Variants in COL18A1 observed in about 807,000 individuals in gnomAD.
The protein encoded by COL18A1 is collagen alpha-1(XVIII) chain.
A neutral mutation model predicts 168.0 loss-of-function variants in COL18A1; 133 were observed. That is an observed-to-expected ratio of 0.79 (90% CI 0.69 to 0.91). The LOEUF (loss-of-function observed/expected upper bound fraction) is 0.91. Ranked by LOEUF, COL18A1 falls within the 40% of genes least tolerant of loss-of-function variation. The pLI, the probability that COL18A1 is intolerant of heterozygous loss-of-function variation, is 0.00. For missense variants in COL18A1, 2,126 were observed against 1,925.4 expected, an observed-to-expected ratio of 1.10 and a Z score of -1.95; for synonymous variants, 949 against 809.0, an observed-to-expected ratio of 1.17 and a Z score of -2.94.
intron 2 of COL18A1, among the ~76,000 whole-genome samples, chr21:45,432,070 C>T (rs978342652): frequency 6.6e-6 from 1 of 152,234 alleles, no homozygotes; most frequent in Middle Eastern, 3.2e-3. Flanking sequence ...GCGGTGCCCA[C>T]CTCGGTCCCC....
chr21:45,417,570 C>A (rs916246723), intron 2 of COL18A1, among the ~76,000 whole-genome samples: 67 of 152,232 alleles, frequency 4.4e-4, no homozygotes, highest in Non-Finnish European at 8.8e-4. Context: ...ATTTCTAGGA[C>A]CGCGGTCTCT....
At chr21:45,418,224 G>A (rs1016176804) in intron 2 of COL18A1, among the ~76,000 whole-genome samples, 4 of 152,234 alleles carry the variant, frequency 2.6e-5, no homozygotes, top group South Asian at 2.1e-4. Context: ...GGAGCTGGCC[G>A]GGTGCTCATC....
chr21:45,505,163 G>T lies in COL18A1; in HGVS notation c.2898G>T (p.Gln966His). Residue 966 changes from glutamine (Q) to histidine (H), a missense_variant, in exon 35 of 42, where the codon CAG (glutamine) becomes CAT (histidine). Gln to His is a conservative substitution (Grantham distance 24, BLOSUM62 0). Coordinates refer to ENST00000651438, the MANE Select transcript of COL18A1 (RefSeq NM_001379500.1). ...CCAAGGGAGAGAGCATCCGGGGCCA[G>T]CCCGGCCCACCTGGACCTCAGGGAC... Reference protein sequence around the residue: ...PGPKGESIRGQPGPPGPQGPP... With the variant: ...PGPKGESIRGHPGPPGPQGPP... 1.2e-6 allele frequency: 2 copies of T among 1,608,116 alleles called. No homozygotes were observed. Among genetic ancestry groups the T allele is most frequent in the South Asian group, 1.1e-5 (1 of 90,452 alleles).
Position 45,498,666 on chromosome 21 carries a change from T to C in COL18A1, c.2683+1005T>C, listed in dbSNP as rs1432309365. The C allele has an allele frequency of 1.5e-6, 1 of 682,638 alleles. No individual in the cohort carries two copies. The highest frequency in any genetic ancestry group is 2.7e-6 in the Non-Finnish European group (1 of 366,298). 42.3% of individuals were successfully genotyped at this position (682,638 alleles called of 1,614,324 possible). ...AGCGGGAAGATGGAAGATGTGCCCA[T>C]GCCAGCCTTGGATCTCTCAGCGTCA... On this transcript the variant is annotated intron_variant, in intron 32 of 41. Coordinates refer to ENST00000651438, the MANE Select transcript of COL18A1 (RefSeq NM_001379500.1). This position sits in a 1 kb window ranked among gnomAD's most constrained non-coding sequence, Gnocchi z 4.5.
chr21:45,428,972 G>C (rs143897865), intron 2 of COL18A1, among the ~76,000 whole-genome samples: 3,145 of 150,828 alleles, frequency 0.021, 99 homozygotes, highest in African/African-American at 0.071. Flanking sequence ...GTGCGATCTC[G>C]GCTCACTATA....
chr21:45,506,418 C>T (rs2037207987), intron 37 of COL18A1: 1 of 321,552 alleles, frequency 3.1e-6, no homozygotes, highest in Admixed American at 4.4e-5. Flanking sequence ...GAAATGCATC[C>T]TCTCTGCTTA....
chr21:45,422,560 G>A (rs765204627), intron 2 of COL18A1: 1 of 509,018 alleles, frequency 2.0e-6, no homozygotes, highest in East Asian at 5.7e-5. Context: ...GGCAGCAAAA[G>A]GCATCTGTGA....
rs371577158 is a variant in COL18A1 at position 45,495,351 on chromosome 21, G to A, written c.2434-7G>A. 2.0e-5 allele frequency: 32 copies of A among 1,604,588 alleles called. No homozygotes were observed. The Middle Eastern group carries it at 6.6e-4, about 33-fold the overall frequency. On this transcript the variant is annotated splice_region_variant and splice_polypyrimidine_tract_variant and intron_variant, in intron 28 of 41. Transcript: ENST00000651438. ...CAGCAGTCCCCACCCCCTGTGCTCC[G>A]CCCCAGGGTCGCCCCGGGATGAACG...
At chr21:45,474,803 G>GACGGGGAC (rs1568899770) in intron 4 of COL18A1, among the ~76,000 whole-genome samples, 1 of 146,948 alleles carries the variant, frequency 6.8e-6, no homozygotes, top group African/African-American at 2.5e-5. Flanking sequence ...AGACACCGTG[G>GACGGGGAC]CTGGACTGTG....
chr21:45,494,568 C>T lies in COL18A1; in HGVS notation c.2376C>T (p.Pro792=). 2 of 1,613,230 alleles carry T rather than the reference C, an allele frequency of 1.2e-6. No homozygotes were observed. The highest frequency in any genetic ancestry group is 2.7e-5 in the African/African-American group (2 of 75,064). Residue 792 remains proline (P), a synonymous_variant, in exon 27 of 42, where the codon CCC becomes CCT. Coordinates refer to ENST00000651438, the MANE Select transcript of COL18A1 (RefSeq NM_001379500.1). ...AGGGAGAGCCGGGCTTCCGAGGACCCCCGGTAAGTCGGTCCCTGGCTTTCT... is the reference window on the plus strand; with the variant it reads ...AGGGAGAGCCGGGCTTCCGAGGACCTCCGGTAAGTCGGTCCCTGGCTTTCT... ...GAKGEPGFRG[P]PGPYGRPGYK... is the part of the protein sequence containing the mutation.
In COL18A1 at chr21:45,492,587, A is replaced by C. The variant is rs200711540; in HGVS notation, c.2187+23A>C. The C allele has an allele frequency of 1.2e-3, 1,881 of 1,612,900 alleles. 2 individuals carry two copies. Among genetic ancestry groups the C allele is most frequent in the Non-Finnish European group, 1.4e-3 (1,710 of 1,179,794 alleles). On this transcript the variant is annotated intron_variant, in intron 23 of 41. Coordinates refer to ENST00000651438, the MANE Select transcript of COL18A1 (RefSeq NM_001379500.1). ...GAGGTATGTGCCTGCCCAGCTTCTA[A>C]GAGACGGGCCTGCGGGGACCTGGGT... is the stretch of plus-strand genomic sequence containing the variant.
chr21:45,476,290 G>C lies in COL18A1; in HGVS notation c.799-61G>C, dbSNP rs921653982. The stretch of plus-strand genomic sequence containing the variant: ...TTAAGTATTTCATTTCACAAACCAA[G>C]CAAGTCTCCACCGGGCATCTGCCGG... On this transcript the variant is annotated intron_variant, in intron 5 of 41. Coordinates refer to ENST00000651438, the MANE Select transcript of COL18A1 (RefSeq NM_001379500.1). The C allele has an allele frequency of 2.2e-5, 35 of 1,610,112 alleles. No homozygotes were observed. In the Middle Eastern group the frequency reaches 1.2e-3, roughly 55 times the overall value.
At chr21:45,413,048 C>T (rs2033344421) in intron 2 of COL18A1, among the ~76,000 whole-genome samples, 1 of 152,158 alleles carries the variant, frequency 6.6e-6, no homozygotes, top group African/African-American at 2.4e-5. Context: ...AAGGATGGGA[C>T]ATCACACATC....
intron 2 of COL18A1, among the ~76,000 whole-genome samples, chr21:45,438,779 A>C (rs1460282543): frequency 1.3e-5 from 2 of 152,258 alleles, no homozygotes; most frequent in Admixed American, 6.5e-5. Flanking sequence ...CCTTGCAGGC[A>C]GAGTGGCTTA....
At chr21:45,478,380 T>C (rs560448401) in intron 9 of COL18A1, 27 bp downstream of exon 9, 2 of 1,612,786 alleles carry the variant, frequency 1.2e-6, no homozygotes, top group Non-Finnish European at 1.7e-6. Context: ...TTCTGACCCC[T>C]GTGTTATCTG....
chr21:45,481,897 G>C, intron 13 of COL18A1, 66 bp from the exon 14 acceptor site: 1 of 1,173,386 alleles, frequency 8.5e-7, no homozygotes, highest in Non-Finnish European at 1.3e-6. Context: ...CAGATAACCT[G>C]TTAACCCAGA....
intron 39 of COL18A1, among the ~76,000 whole-genome samples, chr21:45,509,807 CT>C (rs200581585): frequency 0.014 from 2,086 of 152,326 alleles, 54 homozygotes; most frequent in African/African-American, 0.047. Flanking sequence ...AGTCCAGCCG[CT>C]GTCACATCCT....
At chr21:45,405,503 C>T in intron 2 of COL18A1, 30 bp downstream of exon 2, 4 of 1,255,944 alleles carry the variant, frequency 3.2e-6, no homozygotes, top group Non-Finnish European at 4.1e-6. Context: ...GGAAGGTTCG[C>T]GCCGGTGCCC....
At chr21:45,456,973 C>A (rs1440602509) in intron 2 of COL18A1, 6 of 1,064,510 alleles carry the variant, frequency 5.6e-6, no homozygotes, top group Non-Finnish European at 7.6e-6. Flanking sequence ...ACAGGTTCCC[C>A]CCACATCGAA....
Sources: allele counts gnomAD v4.1 joint callset (sites outside exome capture counted in the v4.1 genomes callset), GRCh38; gene constraint gnomAD v4.1.1; non-coding constraint Gnocchi (gnomAD v3.1); transcripts MANE v1.5; gene names NCBI Gene and HGNC (gene_info 2026-07-23, HGNC 2026-07-21).